Variants in KRT8 observed in about 807,000 individuals in gnomAD.
KRT8 encodes the protein keratin, type II cytoskeletal 8.
A neutral mutation model predicts 43.0 loss-of-function variants in KRT8; 24 were observed. The ratio of observed to expected loss-of-function variants is 0.56; its 90% CI spans 0.40 to 0.78. KRT8 has a LOEUF of 0.78. Among genes scored for constraint, KRT8 ranks in the 30% least tolerant of loss-of-function variants. The pLI is 0.00. For synonymous variants in KRT8, 214 were observed against 261.2 expected (o/e 0.82, Z 1.74); for missense variants, 492 against 638.4 (o/e 0.77, Z 2.47).
At chr12:52,906,606 G>A (rs1592167871), upstream of KRT8, 1 of 436,814 alleles carries the variant, frequency 2.3e-6, no homozygotes, top group South Asian at 1.6e-5. Context: ...GTGGAAGGCA[G>A]GAGGTTTAGG....
At chr12:52,945,600 G>T (rs1033168957) in intron 2 of KRT8, among the ~76,000 whole-genome samples, 1 of 152,154 alleles carries the variant, frequency 6.6e-6, no homozygotes, top group Non-Finnish European at 1.5e-5. Flanking sequence ...GTGGGAGAAT[G>T]TGGAGTGGGC....
chr12:52,936,965 TGAA>T (rs2120715842), intron 2 of KRT8, among the ~76,000 whole-genome samples: 1 of 152,238 alleles, frequency 6.6e-6, no homozygotes, highest in East Asian at 1.9e-4. Flanking sequence ...GCAAATTTCA[TGAA>T]GAAGAACTTG....
chr12:52,928,863 G>A (rs989559786), intron 2 of KRT8, among the ~76,000 whole-genome samples: 1 of 152,118 alleles, frequency 6.6e-6, no homozygotes, highest in African/African-American at 2.4e-5. Context: ...ACAAGATCGT[G>A]CCATTGCACT....
intron 2 of KRT8, among the ~76,000 whole-genome samples, chr12:52,918,216 A>AG: frequency 6.7e-6 from 1 of 148,562 alleles, no homozygotes; most frequent in South Asian, 2.2e-4. Flanking sequence ...AAGAAGAAGA[A>AG]GAAGAAGAAG....
At chr12:52,918,425 C>T (rs969825209) in intron 2 of KRT8, among the ~76,000 whole-genome samples, 3 of 152,036 alleles carry the variant, frequency 2.0e-5, no homozygotes, top group Non-Finnish European at 2.9e-5. Context: ...CCCACCAGGC[C>T]GAGATGGAAA....
intron 2 of KRT8, among the ~76,000 whole-genome samples, chr12:52,940,126 G>A (rs898084901): frequency 6.6e-6 from 1 of 151,116 alleles, no homozygotes; most frequent in African/African-American, 2.4e-5. Flanking sequence ...AGTGAAAGAC[G>A]CCAGAGACAA....
intron 1 of KRT8, 152 bp from the exon 2 acceptor site, chr12:52,902,224 A>G (rs1941390158): frequency 3.1e-6 from 2 of 640,086 alleles, no homozygotes; most frequent in Admixed American, 2.4e-5. Context: ...AAGATCACCT[A>G]TGACCAGGGG....
exon 5 of KRT8, chr12:52,900,028 G>C (rs143713362): frequency 6.2e-7 from 1 of 1,612,870 alleles, no homozygotes; most frequent in Non-Finnish European, 8.5e-7. Flanking sequence ...CAGCACCACA[G>C]ATGTGTCCGA....
intron 2 of KRT8, among the ~76,000 whole-genome samples, chr12:52,940,239 C>T (rs1274894408): frequency 6.6e-6 from 1 of 151,938 alleles, no homozygotes; most frequent in East Asian, 1.9e-4. Context: ...TGACACCAGC[C>T]TGGCCAATGT....
rs779181881 is a variant in KRT8 at position 52,905,068 on chromosome 12, C to G, written c.-87G>C. 1.6e-4 allele frequency: 236 copies of G among 1,513,036 alleles called. 1 individual carries two copies. The highest frequency in any genetic ancestry group is 3.6e-5 in the Non-Finnish European group (41 of 1,135,078). The allele number at this position is 1,513,036 out of a possible 1,614,324, so 93.7% of individuals were successfully genotyped here. On this transcript the variant is annotated 5_prime_UTR_variant, in exon 1 of 8. Transcript: ENST00000692008. Reference sequence around the variant, plus strand: ...AAGCTGCTTCTTGGTGAGGAGAGCTCTCAGGAATGGCCTTTTATAAAAGAG... The same window carrying G: ...AAGCTGCTTCTTGGTGAGGAGAGCTGTCAGGAATGGCCTTTTATAAAAGAG...
intron 2 of KRT8, among the ~76,000 whole-genome samples, chr12:52,919,983 A>C (rs1339547348): frequency 6.6e-6 from 1 of 152,160 alleles, no homozygotes; most frequent in Non-Finnish European, 1.5e-5. Context: ...GGAAGGTAAC[A>C]TTGTTCTCAT....
At chr12:52,902,010 C>A in exon 2 of KRT8, 1 of 1,603,664 alleles carries the variant, frequency 6.2e-7, no homozygotes. Context: ...GAGCCGTCTT[C>A]TGCTGCTGCA....
intron 4 of KRT8, 116 bp from the exon 5 acceptor site, chr12:52,900,181 G>T (rs1239198926): frequency 9.3e-7 from 1 of 1,078,938 alleles, no homozygotes; most frequent in Admixed American, 2.2e-5. Context: ...GGAGCAGGTG[G>T]GAGTCAGGGT....
Position 52,900,574 on chromosome 12 carries a change from G to A in KRT8, c.690+14C>T, listed in dbSNP as rs1281686030. 3.8e-6 allele frequency: 6 copies of A among 1,571,036 alleles called. No homozygotes were observed. Among genetic ancestry groups the A allele is most frequent in the South Asian group, 2.2e-5 (2 of 89,942 alleles). Reference sequence around the variant, plus strand: ...GGCTGGGGGACCCTCACTCTCCTGCGACCAGGAACATACCTCTTCATATAG... The same window carrying A: ...GGCTGGGGGACCCTCACTCTCCTGCAACCAGGAACATACCTCTTCATATAG... On this transcript the variant is annotated intron_variant, in intron 4 of 7. Coordinates refer to ENST00000692008, the Ensembl canonical transcript of KRT8.
At chr12:52,944,753 A>G (rs1415156787) in intron 2 of KRT8, among the ~76,000 whole-genome samples, 1 of 152,156 alleles carries the variant, frequency 6.6e-6, no homozygotes, top group Non-Finnish European at 1.5e-5. Flanking sequence ...AAGCAATGAT[A>G]CTAAGTGTCA....
chr12:52,905,727 A>G (rs1254308711), upstream of KRT8, among the ~76,000 whole-genome samples: 2 of 59,822 alleles, frequency 3.3e-5, no homozygotes, highest in Non-Finnish European at 5.5e-5. Flanking sequence ...ACGCGCACAC[A>G]CACACACACA....
intron 2 of KRT8, among the ~76,000 whole-genome samples, chr12:52,932,740 G>A (rs1457688396): frequency 1.3e-5 from 2 of 151,834 alleles, no homozygotes; most frequent in Admixed American, 6.6e-5. Context: ...GGAGTTCAAG[G>A]CTTCAGTGAG....
Position 52,898,477 on chromosome 12 carries a change from G to T in KRT8, c.1245C>A (p.Thr415=), listed in dbSNP as rs1387965993. The change falls in exon 7 of 8, where the codon ACC becomes ACA. Residue 415 remains threonine (T), a synonymous_variant. Transcript: ENST00000692008. ...GACACCCACCTGCATAGCCGCTGGT[G>T]GTCTTCGTATGAATACTCATGTTCT... 8 of 1,613,716 alleles carry T rather than the reference G, an allele frequency of 5.0e-6. No homozygotes were observed. The South Asian group carries it at 8.8e-5, about 18-fold the overall frequency.
chr12:52,939,409 C>A (rs2120726374), intron 2 of KRT8, among the ~76,000 whole-genome samples: 1 of 152,120 alleles, frequency 6.6e-6, no homozygotes, highest in South Asian at 2.1e-4. Context: ...GAGGCTGAGA[C>A]AGGAGAATCA....
Sources: gnomAD v4.1 joint callset for allele counts (sites outside exome capture counted in the v4.1 genomes callset) on GRCh38, gnomAD v4.1.1 for gene constraint, MANE v1.5 for transcripts, NCBI Gene and HGNC (gene_info 2026-07-23, HGNC 2026-07-21) for gene names.